LRPPRC: variants seen among roughly 807,000 people sequenced by gnomAD.
LRPPRC encodes the protein leucine rich pentatricopeptide repeat containing.
LRPPRC carries 120 observed loss-of-function variants against 180.3 expected under a neutral mutation model. The ratio of observed to expected loss-of-function variants is 0.67; its 90% CI spans 0.57 to 0.77. The LOEUF (loss-of-function observed/expected upper bound fraction) is 0.77, where lower values mean the gene tolerates loss of function less well. Among genes scored for constraint, LRPPRC ranks in the 30% least tolerant of loss-of-function variants. LRPPRC has a pLI of 0.00. For synonymous variants in LRPPRC, 723 were observed against 600.0 expected (o/e 1.21, Z -3.00); for missense variants, 2,012 against 1,657.2 (o/e 1.21, Z -3.72).
At chr2:43,952,776 A>C (rs1672955468) in intron 14 of LRPPRC, among the ~76,000 whole-genome samples, 1 of 152,194 alleles carries the variant, frequency 6.6e-6, no homozygotes, top group Non-Finnish European at 1.5e-5. Flanking sequence ...CTTCAACTGG[A>C]AATTCCACAG....
chr2:43,951,794 C>A (rs1193431165), intron 14 of LRPPRC, among the ~76,000 whole-genome samples: 1 of 151,970 alleles, frequency 6.6e-6, no homozygotes, highest in African/African-American at 2.4e-5. Context: ...TTTTGTACTT[C>A]TATTTTAACT....
chr2:43,922,912 T>C (rs1027619376), intron 27 of LRPPRC, among the ~76,000 whole-genome samples: 1 of 152,122 alleles, frequency 6.6e-6, no homozygotes, highest in African/African-American at 2.4e-5. Context: ...CGGCAGAAGG[T>C]AGGAAGTATA....
intron 23 of LRPPRC, among the ~76,000 whole-genome samples, chr2:43,942,547 C>T (rs532474638): frequency 2.0e-4 from 30 of 152,146 alleles, no homozygotes; most frequent in African/African-American, 6.7e-4. Context: ...TTCATGTGTG[C>T]ATGCATGTAT....
chr2:43,889,423 T>C (rs1670401016), intron 37 of LRPPRC, among the ~76,000 whole-genome samples: 1 of 152,032 alleles, frequency 6.6e-6, no homozygotes, highest in African/African-American at 2.4e-5. Context: ...GCTTGGCTGT[T>C]GAACTACAGG....
chr2:43,958,504 T>A (rs1299373638), intron 13 of LRPPRC, among the ~76,000 whole-genome samples: 1 of 152,226 alleles, frequency 6.6e-6, no homozygotes, highest in East Asian at 1.9e-4. Context: ...GCTGCTATAT[T>A]CCTTGAACAA....
At chr2:43,913,383 C>T (rs569327662) in intron 29 of LRPPRC, among the ~76,000 whole-genome samples, 2 of 152,256 alleles carry the variant, frequency 1.3e-5, no homozygotes, top group South Asian at 2.1e-4. Context: ...CTATCACGTA[C>T]GGCCTTCTAC....
At chr2:43,923,165 T>A (rs1671756646) in intron 27 of LRPPRC, among the ~76,000 whole-genome samples, 1 of 128,572 alleles carries the variant, frequency 7.8e-6, no homozygotes, top group Non-Finnish European at 1.6e-5. Context: ...GTTGTATATT[T>A]TTTTGTTTCT....
At chr2:43,983,270 G>A (rs1253604736) in intron 1 of LRPPRC, among the ~76,000 whole-genome samples, 1 of 151,924 alleles carries the variant, frequency 6.6e-6, no homozygotes, top group Non-Finnish European at 1.5e-5. Context: ...TCTCTAACAT[G>A]AAATCTGAGG....
chr2:43,993,626 C>T (rs1674885154), intron 1 of LRPPRC, among the ~76,000 whole-genome samples: 1 of 151,710 alleles, frequency 6.6e-6, no homozygotes, highest in African/African-American at 2.4e-5. Flanking sequence ...ATACAGTGCT[C>T]AGAGTCCAGG....
rs1311023982 is a variant in LRPPRC at position 43,914,110 on chromosome 2, G to C, written c.3149-1552C>G. On this transcript the variant is annotated intron_variant, in intron 29 of 37. Transcript: ENST00000260665. ...GCTTTTTAGGGGGCTAAAAACTTAA[G>C]ATGTAATGCAATTATTGTCAACTTC... Among the ~76,000 whole-genome samples, 3 of 152,152 alleles carry C rather than the reference G, an allele frequency of 2.0e-5. No homozygotes were observed. The South Asian group carries it at 6.2e-4, about 32-fold the overall frequency.
chr2:43,943,582 T>A, intron 23 of LRPPRC, 105 bp downstream of exon 23: 1 of 946,578 alleles, frequency 1.1e-6, no homozygotes. Flanking sequence ...GTAAATGACC[T>A]CCAAGGCTTC....
intron 1 of LRPPRC, among the ~76,000 whole-genome samples, chr2:43,983,844 T>A (rs1674414953): frequency 6.6e-6 from 1 of 152,196 alleles, no homozygotes; most frequent in Non-Finnish European, 1.5e-5. Context: ...AAAACGAGGC[T>A]GTAATTGATA....
At chr2:43,962,632 A>G (rs1345045922) in intron 12 of LRPPRC, among the ~76,000 whole-genome samples, 1 of 152,198 alleles carries the variant, frequency 6.6e-6, no homozygotes, top group Non-Finnish European at 1.5e-5. Context: ...GTCCCAATCA[A>G]CATCTTCATG....
At chr2:43,921,028 G>A (rs62138277) in intron 27 of LRPPRC, among the ~76,000 whole-genome samples, 11,146 of 152,104 alleles carry the variant, frequency 0.073, 523 homozygotes, top group South Asian at 0.13. Flanking sequence ...GCAGTGGCTC[G>A]TGTCTGTAAT....
At chr2:43,977,610 A>G (rs1438479513) in intron 3 of LRPPRC, among the ~76,000 whole-genome samples, 1 of 152,196 alleles carries the variant, frequency 6.6e-6, no homozygotes, top group African/African-American at 2.4e-5. Flanking sequence ...TTCTATATAA[A>G]GCAGTCCTCA....
At chr2:43,937,716 A>C (rs1407772179) in intron 23 of LRPPRC, among the ~76,000 whole-genome samples, 1 of 152,198 alleles carries the variant, frequency 6.6e-6, no homozygotes, top group Non-Finnish European at 1.5e-5. Flanking sequence ...TCCTAGTTCT[A>C]ACAGGTTCTA....
chr2:43,891,731 A>G (rs548775705), intron 36 of LRPPRC, among the ~76,000 whole-genome samples: 40 of 152,384 alleles, frequency 2.6e-4, no homozygotes, highest in African/African-American at 9.4e-4. Flanking sequence ...TAAGTGTTCA[A>G]GTGAAAGAGT....
intron 14 of LRPPRC, among the ~76,000 whole-genome samples, chr2:43,954,155 T>C (rs1189482160): frequency 6.6e-6 from 1 of 152,212 alleles, no homozygotes; most frequent in African/African-American, 2.4e-5. Context: ...ATCTTATCCT[T>C]ACATTTCTCT....
At chr2:43,993,509 G>C (rs904338418) in intron 1 of LRPPRC, among the ~76,000 whole-genome samples, 1 of 152,182 alleles carries the variant, frequency 6.6e-6, no homozygotes, top group Non-Finnish European at 1.5e-5. Flanking sequence ...AGTATGGACA[G>C]GGAAGAGACT....
Sources: allele counts gnomAD v4.1 joint callset (sites outside exome capture counted in the v4.1 genomes callset), GRCh38; gene constraint gnomAD v4.1.1; transcripts MANE v1.5; gene names NCBI Gene and HGNC (gene_info 2026-07-23, HGNC 2026-07-21).